The following ELF1 variants were observed in gnomAD, a reference collection of about 807,000 sequenced individuals.
ELF1 encodes the protein ETS-related transcription factor Elf-1.
Under a neutral mutation model 59.9 loss-of-function variants are expected in ELF1, and 24 were observed. The observed-to-expected ratio is 0.40, with a 90% confidence interval of 0.29 to 0.56. The LOEUF (loss-of-function observed/expected upper bound fraction) is 0.56. ELF1 is among the 20% of genes least tolerant of loss of function. The pLI, the probability that ELF1 is intolerant of heterozygous loss-of-function variation, is 0.44. For missense variants in ELF1, 627 were observed against 742.2 expected, an observed-to-expected ratio of 0.84 and a Z score of 1.80; for synonymous variants, 248 against 266.2, an observed-to-expected ratio of 0.93 and a Z score of 0.67.
chr13:40,956,679 CTTTT>C (rs796729160), intron 3 of ELF1, among the ~76,000 whole-genome samples: 3 of 141,046 alleles, frequency 2.1e-5, no homozygotes, highest in Non-Finnish European at 4.7e-5. Flanking sequence ...GTCTCTATTA[CTTTT>C]TTTTTTTTAA....
At chr13:40,975,047 A>C (rs1872817037) in intron 2 of ELF1, among the ~76,000 whole-genome samples, 1 of 152,214 alleles carries the variant, frequency 6.6e-6, no homozygotes, top group African/African-American at 2.4e-5. Context: ...GGATTTCTTA[A>C]GTTTGATATG....
chr13:41,000,309 G>A (rs1464360136), intron 1 of ELF1, among the ~76,000 whole-genome samples: 2 of 116,308 alleles, frequency 1.7e-5, no homozygotes, highest in African/African-American at 6.7e-5. Flanking sequence ...AAAGCACAGT[G>A]TCATTATCTC....
intron 2 of ELF1, among the ~76,000 whole-genome samples, chr13:40,969,295 TTC>T (rs1224256263): frequency 2.0e-5 from 3 of 152,244 alleles, no homozygotes; most frequent in Non-Finnish European, 2.9e-5. Flanking sequence ...ATGGTTCTTT[TTC>T]TCTCTTATAC....
intron 1 of ELF1, among the ~76,000 whole-genome samples, chr13:41,018,079 G>A (rs1006456061): frequency 6.6e-6 from 1 of 152,190 alleles, no homozygotes; most frequent in Non-Finnish European, 1.5e-5. Context: ...CTTAGTAAGT[G>A]CATAGCAAAT....
rs9562247 is a variant in ELF1, at chr13:40,941,046, T to C, written c.1131A>G (p.Pro377=). ...CAGTCCGGAAGAGCTGGGTAGGATATGGAGACTGCGTGGGCTGCACTGTCC... is the reference window on the plus strand; with the variant it reads ...CAGTCCGGAAGAGCTGGGTAGGATACGGAGACTGCGTGGGCTGCACTGTCC... ...VLRTVQPTQS[P]YPTQLFRTVH... The change falls in exon 8 of 9, where the codon CCA becomes CCG. Residue 377 remains proline, a synonymous_variant. Transcript: ENST00000239882. The C allele has an allele frequency of 2.7e-3, 4,397 of 1,614,216 alleles. 102 individuals carry two copies. In the East Asian group the frequency reaches 0.042, roughly 15 times the overall value.
At position 40,949,963 on chromosome 13, in the gene ELF1, T is replaced by C. The variant is rs778229741; in HGVS notation, c.372A>G (p.Ile124Met). The change falls in exon 5 of 9, where the codon ATA becomes ATG. Residue 124 changes from isoleucine (I) to methionine (M), a missense_variant. By Grantham distance (10) the Ile-to-Met change is conservative (BLOSUM62 1). Coordinates refer to ENST00000239882, the MANE Select transcript of ELF1 (RefSeq NM_172373.4). Reference sequence around the variant, plus strand: ...CCATGTCATCTTCAGGTGAACTAAATATATTATTATCTAATGAAAATAAAA... The same window carrying C: ...CCATGTCATCTTCAGGTGAACTAAACATATTATTATCTAATGAAAATAAAA... ...MLDEKRINNN[I>M]FSSPEDDMVV... 1 of 1,609,972 alleles carries C rather than the reference T, an allele frequency of 6.2e-7. No individual in the cohort carries two copies. The highest frequency in any genetic ancestry group is 1.1e-5 in the South Asian group (1 of 89,870).
chr13:41,029,038 C>T (rs538240786), intron 1 of ELF1, among the ~76,000 whole-genome samples: 2 of 152,200 alleles, frequency 1.3e-5, no homozygotes, highest in Non-Finnish European at 1.5e-5. Context: ...CCACCATGCC[C>T]GGCCAAGTAT....
chr13:40,977,064 A>G (rs1212753306), intron 2 of ELF1, among the ~76,000 whole-genome samples: 2 of 152,070 alleles, frequency 1.3e-5, no homozygotes, highest in Admixed American at 1.3e-4. Flanking sequence ...AAAACCAATG[A>G]CTGAAAAAAA....
At position 40,933,243 on chromosome 13, in the gene ELF1, T is replaced by A. The variant is rs1593343786; in HGVS notation, c.*182A>T. ...TCCTTCACGATTGAATTCTGAAACA[T>A]TTAGATAACAAAGAGAAACAGTTGA... is the stretch of plus-strand genomic sequence containing the variant. On this transcript the variant is annotated 3_prime_UTR_variant, in exon 9 of 9. Transcript: ENST00000239882. 1.4e-6 allele frequency: 1 copy of A among 737,518 alleles called. No homozygotes were observed. The highest frequency in any genetic ancestry group is 2.8e-5 in the East Asian group (1 of 35,326). 45.7% of individuals were successfully genotyped at this position (737,518 alleles called of 1,614,324 possible).
intron 1 of ELF1, among the ~76,000 whole-genome samples, chr13:40,996,793 A>T (rs983759188): frequency 4.2e-4 from 64 of 150,740 alleles, no homozygotes; most frequent in African/African-American, 1.5e-3. Flanking sequence ...TTTTTTTTTT[A>T]AACTATAGCT....
chr13:41,007,736 T>C (rs1249068203), intron 1 of ELF1, among the ~76,000 whole-genome samples: 1 of 152,246 alleles, frequency 6.6e-6, no homozygotes, highest in Non-Finnish European at 1.5e-5. Flanking sequence ...TAACATTTAT[T>C]TAATCAACCC....
At chr13:40,980,319 A>T (rs1873181233) in intron 2 of ELF1, among the ~76,000 whole-genome samples, 1 of 152,192 alleles carries the variant, frequency 6.6e-6, no homozygotes, top group South Asian at 2.1e-4. Flanking sequence ...GTTAATACTT[A>T]TAAAATCCTT....
chr13:40,990,247 A>G (rs1873772790), intron 1 of ELF1, among the ~76,000 whole-genome samples: 1 of 152,218 alleles, frequency 6.6e-6, no homozygotes, highest in South Asian at 2.1e-4. Flanking sequence ...AAATGCACTA[A>G]GCAAAACTAC....
rs113563973 is a variant in ELF1 at position 40,949,668 on chromosome 13, T to A, written c.529+138A>T. On this transcript the variant is annotated intron_variant, in intron 5 of 8. Coordinates refer to ENST00000239882, the MANE Select transcript of ELF1 (RefSeq NM_172373.4). ...CCGTGCCTGGCCAAGAAATAACTCA[T>A]AATTTCCATTTTGTGCCTTCAATGT... is the stretch of plus-strand genomic sequence containing the variant. 138 of 1,093,796 alleles carry A rather than the reference T, an allele frequency of 1.3e-4. No individual in the cohort carries two copies. In the African/African-American group the frequency reaches 1.9e-3, roughly 15 times the overall value. 67.8% of individuals were successfully genotyped at this position (1,093,796 alleles called of 1,614,324 possible). A position where few individuals can be genotyped will look rare whatever the true frequency, so the allele number is the denominator to read the frequency against.
rs1204999033 is a variant in ELF1, at chr13:40,964,515, A to AT, written c.73-5500_73-5499insA. 7.7e-4 allele frequency among the ~76,000 whole-genome samples: 3 copies of AT among 3,904 alleles called. No individual in the cohort carries two copies. The Non-Finnish European group carries it at 9.9e-3, about 13-fold the overall frequency. The allele number at this position is 3,904 out of a possible 152,430, so 2.6% of individuals were successfully genotyped here. ...CAAATCCAACTCCACTCACCCCCCG[A>AT]CTTTTTTTAATTGAGACAGGATGGA... On this transcript the variant is annotated intron_variant, in intron 2 of 8. Transcript: ENST00000239882.
At chr13:40,990,876 A>G (rs1873817124) in intron 1 of ELF1, among the ~76,000 whole-genome samples, 1 of 145,562 alleles carries the variant, frequency 6.9e-6, no homozygotes, top group African/African-American at 2.5e-5. Context: ...AAAATGTGTT[A>G]CTTTACAGTG....
intron 1 of ELF1, among the ~76,000 whole-genome samples, chr13:40,986,336 A>G (rs1194760057): frequency 2.6e-5 from 4 of 152,208 alleles, no homozygotes; most frequent in Non-Finnish European, 4.4e-5. Context: ...GTAAAGTAAT[A>G]CCAAAACCTA....
intron 1 of ELF1, among the ~76,000 whole-genome samples, chr13:41,007,140 G>A (rs1460607113): frequency 1.1e-4 from 16 of 151,864 alleles, no homozygotes; most frequent in Admixed American, 9.9e-4. Flanking sequence ...CAATGATGCC[G>A]CTCACAAAAA....
chr13:41,061,097 C>CTCTTTT (rs1491547395), exon 1 of ELF1: 1 of 194,922 alleles, frequency 5.1e-6, no homozygotes, highest in Non-Finnish European at 1.1e-5. Context: ...GCAGTTTCAC[C>CTCTTTT]TCTTTTTTTT....
Sources: allele counts gnomAD v4.1 joint callset (sites outside exome capture counted in the v4.1 genomes callset), GRCh38; gene constraint gnomAD v4.1.1; transcripts MANE v1.5; gene names NCBI Gene and HGNC (gene_info 2026-07-23, HGNC 2026-07-21).